The following CALCB variants were observed in gnomAD, a reference collection of about 807,000 sequenced individuals.
The protein encoded by CALCB is calcitonin related polypeptide beta.
In CALCB, 8 loss-of-function variants were observed where a neutral mutation model predicts 10.7. The ratio of observed to expected loss-of-function variants is 0.75; its 90% CI spans 0.44 to 1.34. The LOEUF (loss-of-function observed/expected upper bound fraction) is 1.34, where lower values mean the gene tolerates loss of function less well. CALCB is among the 40% of genes most tolerant of loss of function. The pLI, the probability that CALCB is intolerant of heterozygous loss-of-function variation, is 0.01. For synonymous variants in CALCB, 76 were observed against 66.9 expected, an observed-to-expected ratio of 1.14 and a Z score of -0.66; for missense variants, 176 against 162.5, an observed-to-expected ratio of 1.08 and a Z score of -0.45.
Position 15,074,815 on chromosome 11 carries a change from C to T in CALCB, c.86+11C>T. On this transcript the variant is annotated intron_variant, in intron 2 of 4. Coordinates refer to ENST00000324229, the MANE Select transcript of CALCB (RefSeq NM_000728.4). ...GGCGGCGCCATTCAGGTGAGACAGC[C>T]TGGAGCCAGAGGCGCCTTCTGCTCC... 1.2e-6 allele frequency: 2 copies of T among 1,609,924 alleles called. No individual in the cohort carries two copies. Among genetic ancestry groups the T allele is most frequent in the Non-Finnish European group, 1.7e-6 (2 of 1,177,798 alleles).
chr11:15,074,775 G>T lies in CALCB; in HGVS notation c.57G>T (p.Gln19His). 1 of 1,614,108 alleles carries T rather than the reference G, an allele frequency of 6.2e-7. No homozygotes were observed. The highest frequency in any genetic ancestry group is 1.3e-5 in the African/African-American group (1 of 75,050). The part of the protein sequence containing the change: ...FLALSILVLY[Q>H]AGSLQAAPFR... Reference sequence around the variant, plus strand: ...CTCTCAGTATCTTGGTCCTGTACCAGGCGGGCAGCCTCCAGGCGGCGCCAT... The same window carrying T: ...CTCTCAGTATCTTGGTCCTGTACCATGCGGGCAGCCTCCAGGCGGCGCCAT... The change falls in exon 2 of 5, where the codon CAG becomes CAT. Residue 19 changes from glutamine to histidine, a missense_variant. Gln to His is a conservative substitution (Grantham distance 24). Coordinates refer to ENST00000324229, the MANE Select transcript of CALCB (RefSeq NM_000728.4).
At chr11:15,075,801 G>A (rs1001363140) in intron 3 of CALCB, among the ~76,000 whole-genome samples, 1 of 152,122 alleles carries the variant, frequency 6.6e-6, no homozygotes, top group African/African-American at 2.4e-5. Context: ...GGAGAGCACC[G>A]TTTCCCAGAC....
Position 15,074,131 on chromosome 11 carries a change from C to A in CALCB, c.-10+468C>A, listed in dbSNP as rs535993169. Among the ~76,000 whole-genome samples, 4 of 152,340 alleles carry A rather than the reference C, an allele frequency of 2.6e-5. No homozygotes were observed. The East Asian group carries it at 5.8e-4, about 22-fold the overall frequency. ...AGGCAGTGTTGTTAGCGGACTAGAA[C>A]CCTGGGCGCTCACCTCGCGGAGCTG... On this transcript the variant is annotated intron_variant, in intron 1 of 4. Coordinates refer to ENST00000324229, the MANE Select transcript of CALCB (RefSeq NM_000728.4).
At chr11:15,073,729 G>C (rs955858595) in intron 1 of CALCB, 66 bp downstream of exon 1, 1 of 152,576 alleles carries the variant, frequency 6.6e-6, no homozygotes, top group African/African-American at 2.4e-5. Context: ...AGTTCATCCA[G>C]TTTGCTCCAT....
chr11:15,075,228 A>C lies in CALCB; in HGVS notation c.224+30A>C, dbSNP rs543967867. 1.7e-5 allele frequency: 28 copies of C among 1,612,968 alleles called. No homozygotes were observed. In the Middle Eastern group the frequency reaches 5.4e-4, roughly 31 times the overall value. On this transcript the variant is annotated intron_variant, in intron 3 of 4. Coordinates refer to ENST00000324229, the MANE Select transcript of CALCB (RefSeq NM_000728.4). ...GGTTCCCCAAGCGCCCAGCACAGGGACTCCTCTCCCCGCAGCATACACAGG... is the reference window on the plus strand; with the variant it reads ...GGTTCCCCAAGCGCCCAGCACAGGGCCTCCTCTCCCCGCAGCATACACAGG...
intron 2 of CALCB, 124 bp from the exon 3 acceptor site, chr11:15,074,937 C>T (rs1590301927): frequency 1.4e-6 from 2 of 1,417,564 alleles, no homozygotes; most frequent in East Asian, 2.3e-5. Context: ...CATGCCCGTC[C>T]CCTGGGAGTC....
chr11:15,077,525 T>A, intron 4 of CALCB, 55 bp downstream of exon 4: 1 of 1,545,266 alleles, frequency 6.5e-7, no homozygotes, highest in Admixed American at 1.9e-5. Context: ...AGTTAAAACC[T>A]ACATTTTGAA....
chr11:15,074,957 A>T, intron 2 of CALCB, 104 bp from the exon 3 acceptor site: 1 of 1,488,604 alleles, frequency 6.7e-7, no homozygotes, highest in Admixed American at 1.7e-5. Flanking sequence ...CGCGGTGGCC[A>T]CATCCCCAGG....
At chr11:15,077,515 A>G (rs1850407434) in intron 4 of CALCB, 45 bp downstream of exon 4, 2 of 1,570,052 alleles carry the variant, frequency 1.3e-6, no homozygotes, top group South Asian at 2.3e-5. Context: ...AGGGACTTGG[A>G]GTTAAAACCT....
At chr11:15,076,303 G>A (rs1850393115) in intron 3 of CALCB, among the ~76,000 whole-genome samples, 1 of 152,206 alleles carries the variant, frequency 6.6e-6, no homozygotes, top group African/African-American at 2.4e-5. Flanking sequence ...GGCAAGAATA[G>A]GGACATAGTC....
intron 4 of CALCB, 87 bp downstream of exon 4, chr11:15,077,557 T>C (rs1025476164): frequency 3.0e-6 from 4 of 1,333,236 alleles, no homozygotes; most frequent in Non-Finnish European, 4.1e-6. Context: ...TGGTAGGTTC[T>C]TTAGGTTCCT....
intron 3 of CALCB, among the ~76,000 whole-genome samples, 179 bp downstream of exon 3, chr11:15,075,377 G>A (rs1487885218): frequency 2.6e-5 from 4 of 152,228 alleles, no homozygotes; most frequent in Non-Finnish European, 5.9e-5. Flanking sequence ...TGGAGGGACT[G>A]TGTGTGGTTA....
intron 3 of CALCB, among the ~76,000 whole-genome samples, 166 bp downstream of exon 3, chr11:15,075,364 A>T (rs1223335851): frequency 6.6e-6 from 1 of 152,210 alleles, no homozygotes. Flanking sequence ...GTCCCAGTGC[A>T]CCTGGAGGGA....
intron 1 of CALCB, 22 bp downstream of exon 1, chr11:15,073,685 A>T (rs1850368337): frequency 6.6e-6 from 1 of 152,400 alleles, no homozygotes; most frequent in Non-Finnish European, 1.5e-5. Flanking sequence ...CCCATTCCCC[A>T]TTCCGCTCAC....
At chr11:15,074,941 G>T in intron 2 of CALCB, 120 bp from the exon 3 acceptor site, 1 of 1,429,706 alleles carries the variant, frequency 7.0e-7, no homozygotes, top group South Asian at 1.2e-5. Context: ...CCCGTCCCCT[G>T]GGAGTCGCGG....
rs376051795 is a variant in CALCB, at chr11:15,075,105, A to G, written c.131A>G (p.Glu44Gly). 2 of 1,614,198 alleles carry G rather than the reference A, an allele frequency of 1.2e-6. No homozygotes were observed. The highest frequency in any genetic ancestry group is 2.2e-5 in the South Asian group (2 of 91,086). The change falls in exon 3 of 5, where the codon GAG becomes GGG. Residue 44 changes from glutamate to glycine, a missense_variant. Transcript: ENST00000324229. ...CCAGACCCGGCCACACTCAGTAAAG[A>G]GGACGCGCGCCTCCTGCTGGCTGCA... ...SSPDPATLSK[E>G]DARLLLAALV... is the part of the protein sequence containing the mutation.
At chr11:15,074,918 C>T (rs1850379490) in intron 2 of CALCB, 114 bp downstream of exon 2, 2 of 1,375,422 alleles carry the variant, frequency 1.5e-6, no homozygotes, top group Non-Finnish European at 1.0e-6. Flanking sequence ...CACAGGTGGA[C>T]CCTGGCCTCA....
At chr11:15,074,222 C>T (rs931987639) in intron 1 of CALCB, among the ~76,000 whole-genome samples, 10 of 152,282 alleles carry the variant, frequency 6.6e-5, no homozygotes, top group Non-Finnish European at 2.9e-5. Flanking sequence ...AGTCCTGAGA[C>T]ACCCGTAACT....
Position 15,075,147 on chromosome 11 carries a change from T to C in CALCB, c.173T>C (p.Val58Ala). The C allele has an allele frequency of 6.2e-7, 1 of 1,614,156 alleles. No individual in the cohort carries two copies. The highest frequency in any genetic ancestry group is 8.5e-7 in the Non-Finnish European group (1 of 1,180,030). ...CTGGCTGCACTGGTGCAGGACTATG[T>C]GCAGATGAAGGCCAGTGAGCTGAAG... Reference protein sequence around the residue: ...LLLAALVQDYVQMKASELKQE... With the variant: ...LLLAALVQDYAQMKASELKQE... Residue 58 changes from valine to alanine, a missense_variant, in exon 3 of 5, where the codon GTG becomes GCG. Physicochemically the swap from Val to Ala is moderately conservative, Grantham distance 64. Coordinates refer to ENST00000324229, the MANE Select transcript of CALCB (RefSeq NM_000728.4).
Sources: gnomAD v4.1 joint callset for allele counts (sites outside exome capture counted in the v4.1 genomes callset) on GRCh38, gnomAD v4.1.1 for gene constraint, MANE v1.5 for transcripts, NCBI Gene and HGNC (gene_info 2026-07-23, HGNC 2026-07-21) for gene names.